The following GALNT13 variants were observed in gnomAD, a reference collection of about 807,000 sequenced individuals.
The protein encoded by GALNT13 is polypeptide N-acetylgalactosaminyltransferase 13.
A neutral mutation model predicts 64.2 loss-of-function variants in GALNT13; 28 were observed. That is an observed-to-expected ratio of 0.44 (90% CI 0.32 to 0.60). The LOEUF is 0.60. GALNT13 is among the 20% of genes least tolerant of loss of function. The probability of loss-of-function intolerance (pLI) is 0.05; values close to 1 mark genes in which losing one functional copy is unlikely to be tolerated. For missense variants in GALNT13, 577 were observed against 669.8 expected (o/e 0.86, Z 1.53); for synonymous variants, 214 against 224.6 (o/e 0.95, Z 0.42).
At chr2:153,226,314 A>G in the GALNT13 span, among the ~76,000 whole-genome samples, 1 of 152,188 alleles carries the variant, frequency 6.6e-6, no homozygotes, top group African/African-American at 2.4e-5. Context: ...AACATAGAAT[A>G]TTGAATAATA....
chr2:153,506,594 A>G, the GALNT13 span, among the ~76,000 whole-genome samples: 14 of 152,126 alleles, frequency 9.2e-5, no homozygotes, highest in African/African-American at 3.4e-4. Context: ...TCCTTAATTT[A>G]TGAAGCTTAG....
At chr2:153,734,346 A>G in the GALNT13 span, among the ~76,000 whole-genome samples, 1 of 152,196 alleles carries the variant, frequency 6.6e-6, no homozygotes, top group African/African-American at 2.4e-5. Flanking sequence ...GTGGAAAAAC[A>G]AAGAGGCAGT....
At chr2:153,916,722 A>G (rs1165700189) in intron 2 of GALNT13, among the ~76,000 whole-genome samples, 3 of 152,208 alleles carry the variant, frequency 2.0e-5, no homozygotes, top group Admixed American at 2.0e-4. Flanking sequence ...TACCTATCTT[A>G]TATTAGCATA....
the GALNT13 span, among the ~76,000 whole-genome samples, chr2:153,179,794 T>C: frequency 6.6e-6 from 1 of 152,156 alleles, no homozygotes; most frequent in Non-Finnish European, 1.5e-5. Flanking sequence ...TTAATAGTTA[T>C]TGTAAATGAG....
At chr2:153,579,851 C>T in the GALNT13 span, among the ~76,000 whole-genome samples, 1 of 152,084 alleles carries the variant, frequency 6.6e-6, no homozygotes, top group Non-Finnish European at 1.5e-5. Flanking sequence ...CCTGATGACC[C>T]GAGGTGGAAT....
intron 12 of GALNT13, among the ~76,000 whole-genome samples, chr2:154,446,131 C>T (rs1701560805): frequency 6.6e-6 from 1 of 151,952 alleles, no homozygotes; most frequent in Non-Finnish European, 1.5e-5. Context: ...GCTAAATTAT[C>T]CTCTGAATTT....
At chr2:154,150,187 A>C (rs1010439684) in intron 4 of GALNT13, among the ~76,000 whole-genome samples, 41 of 152,302 alleles carry the variant, frequency 2.7e-4, no homozygotes, top group Non-Finnish European at 4.9e-4. Flanking sequence ...TGAGATAATC[A>C]TGTGGTTTTT....
chr2:154,440,244 G>A (rs926770474), intron 12 of GALNT13, among the ~76,000 whole-genome samples: 1 of 152,088 alleles, frequency 6.6e-6, no homozygotes, highest in African/African-American at 2.4e-5. Context: ...GAATGATCGT[G>A]TACATTTTTA....
chr2:154,172,499 C>T (rs911810055), intron 4 of GALNT13, among the ~76,000 whole-genome samples: 4 of 151,926 alleles, frequency 2.6e-5, no homozygotes, highest in Admixed American at 6.6e-5. Context: ...GTCTTCATGA[C>T]GTCCATACTT....
chr2:153,197,868 G>A, the GALNT13 span, among the ~76,000 whole-genome samples: 1 of 152,172 alleles, frequency 6.6e-6, no homozygotes, highest in Non-Finnish European at 1.5e-5. Context: ...CTGCTAGGGT[G>A]GGGAAATTCT....
the GALNT13 span, among the ~76,000 whole-genome samples, chr2:153,134,822 C>T: frequency 6.6e-6 from 1 of 152,086 alleles, no homozygotes; most frequent in African/African-American, 2.4e-5. Flanking sequence ...ATGTGATCAG[C>T]TCCTCCGTTT....
At chr2:153,643,865 T>TA in the GALNT13 span, among the ~76,000 whole-genome samples, 17 of 152,006 alleles carry the variant, frequency 1.1e-4, no homozygotes, top group Admixed American at 1.1e-3. Flanking sequence ...AACTTTTTGA[T>TA]AAAAAAGAGT....
chr2:153,270,401 G>A, the GALNT13 span, among the ~76,000 whole-genome samples: 25 of 152,148 alleles, frequency 1.6e-4, no homozygotes, highest in Admixed American at 3.3e-4. Context: ...GTCTGTTAGA[G>A]TTTTAGTAAC....
chr2:154,412,532 A>C (rs762806964), intron 11 of GALNT13, among the ~76,000 whole-genome samples: 1 of 151,796 alleles, frequency 6.6e-6, no homozygotes, highest in Non-Finnish European at 1.5e-5. Flanking sequence ...TAACTTAGTT[A>C]CATTTCTAAA....
chr2:153,409,343 T>C, the GALNT13 span, among the ~76,000 whole-genome samples: 3 of 147,944 alleles, frequency 2.0e-5, no homozygotes, highest in Admixed American at 2.0e-4. Context: ...TATATGTATA[T>C]ATTCATATGT....
intron 3 of GALNT13, among the ~76,000 whole-genome samples, chr2:154,056,640 C>A (rs1420823674): frequency 1.3e-5 from 2 of 152,112 alleles, no homozygotes; most frequent in Non-Finnish European, 2.9e-5. Flanking sequence ...ATATTGATAA[C>A]AACTGCTTAA....
chr2:154,288,385 G>T (rs928711720), intron 8 of GALNT13, among the ~76,000 whole-genome samples: 1 of 151,926 alleles, frequency 6.6e-6, no homozygotes, highest in African/African-American at 2.4e-5. Flanking sequence ...TCCCAAATGT[G>T]AGCCCCTCAT....
chr2:154,420,346 A>C (rs974574218), intron 11 of GALNT13, among the ~76,000 whole-genome samples: 2 of 152,084 alleles, frequency 1.3e-5, no homozygotes, highest in African/African-American at 4.8e-5. Flanking sequence ...GACTTTACCA[A>C]GATGAATTTG....
At chr2:153,763,750 T>A in the GALNT13 span, among the ~76,000 whole-genome samples, 6 of 152,104 alleles carry the variant, frequency 3.9e-5, no homozygotes, top group African/African-American at 1.4e-4. Flanking sequence ...GGAAGAGACT[T>A]TGGAATTGGG....
Sources: gnomAD v4.1 joint callset for allele counts (sites outside exome capture counted in the v4.1 genomes callset) on GRCh38, gnomAD v4.1.1 for gene constraint, MANE v1.5 for transcripts, NCBI Gene and HGNC (gene_info 2026-07-23, HGNC 2026-07-21) for gene names.